Variants in CLCN7 observed in about 807,000 individuals in gnomAD.
The protein encoded by CLCN7 is Cl-/H+ antiporter 7.
A neutral mutation model predicts 102.1 loss-of-function variants in CLCN7; 60 were observed. The observed-to-expected ratio is 0.59, with a 90% CI of 0.48 to 0.73. CLCN7 has a LOEUF of 0.73. Ranked by LOEUF, CLCN7 falls within the 30% of genes least tolerant of loss-of-function variation. CLCN7 has a pLI of 0.00. For synonymous variants in CLCN7, 560 were observed against 490.5 expected (o/e 1.14, Z -1.87); for missense variants, 962 against 1,125.7 (o/e 0.85, Z 2.08).
intron 11 of CLCN7, 160 bp downstream of exon 11, chr16:1,455,571 A>G (rs2038822203): frequency 1.2e-6 from 1 of 824,374 alleles, no homozygotes; most frequent in East Asian, 2.6e-5. Flanking sequence ...TGGGCAGCAA[A>G]GGCAGGACCG....
At chr16:1,471,357 C>G (rs1430704392) in intron 1 of CLCN7, among the ~76,000 whole-genome samples, 1 of 152,198 alleles carries the variant, frequency 6.6e-6, no homozygotes, top group African/African-American at 2.4e-5. Flanking sequence ...ACAGTCCCGT[C>G]AGCAGGGGAT....
At chr16:1,469,466 A>T (rs1446804940) in intron 1 of CLCN7, among the ~76,000 whole-genome samples, 1 of 152,062 alleles carries the variant, frequency 6.6e-6, no homozygotes, top group Non-Finnish European at 1.5e-5. Flanking sequence ...CGGGCTGATC[A>T]CTTGAGGTCA....
At chr16:1,465,162 C>T (rs1176339687) in intron 2 of CLCN7, 105 bp downstream of exon 2, 3 of 1,117,882 alleles carry the variant, frequency 2.7e-6, no homozygotes, top group Non-Finnish European at 4.0e-6. Context: ...AACCCCGGCC[C>T]TGGGGCCCCA....
At chr16:1,453,221 C>T (rs2038782187) in intron 14 of CLCN7, among the ~76,000 whole-genome samples, 1 of 152,060 alleles carries the variant, frequency 6.6e-6, no homozygotes, top group African/African-American at 2.4e-5. Context: ...CCATGTTGGT[C>T]AAGCTGGTCT....
intron 15 of CLCN7, chr16:1,451,975 G>C (rs558952535): frequency 4.2e-6 from 2 of 477,246 alleles, no homozygotes; most frequent in South Asian, 2.0e-5. Flanking sequence ...GCCCTGGGGG[G>C]TGGGTTAGCA....
intron 10 of CLCN7, 50 bp downstream of exon 10, chr16:1,456,063 C>T: frequency 7.0e-7 from 1 of 1,435,476 alleles, no homozygotes. Flanking sequence ...CCGTTCCTTC[C>T]AACACACAGG....
chr16:1,449,267 G>A lies in CLCN7; in HGVS notation c.1669+9C>T. 1 of 1,582,282 alleles carries A rather than the reference G, an allele frequency of 6.3e-7. No homozygotes were observed. The highest frequency in any genetic ancestry group is 8.6e-7 in the Non-Finnish European group (1 of 1,164,700). On this transcript the variant is annotated intron_variant, in intron 18 of 24. Coordinates refer to ENST00000382745, the MANE Select transcript of CLCN7 (RefSeq NM_001287.6). ...GCTCCCCACCCATCGGGCAAGAGCT[G>A]GGACATACCCAGCTGGGCAGCAGCT...
intron 1 of CLCN7, among the ~76,000 whole-genome samples, chr16:1,470,686 G>C (rs1219587429): frequency 1.3e-5 from 2 of 152,172 alleles, no homozygotes; most frequent in Admixed American, 6.5e-5. Context: ...GGCCAGAAAA[G>C]AACCAAGGGG....
At chr16:1,452,976 T>C in intron 14 of CLCN7, 83 bp from the exon 15 acceptor site, 1 of 1,509,322 alleles carries the variant, frequency 6.6e-7, no homozygotes, top group Non-Finnish European at 9.0e-7. Flanking sequence ...GAGTCCCTGA[T>C]GGAGGACACT....
intron 13 of CLCN7, among the ~76,000 whole-genome samples, 190 bp from the exon 14 acceptor site, chr16:1,454,084 G>C (rs1189739854): frequency 1.3e-5 from 2 of 152,252 alleles, no homozygotes; most frequent in African/African-American, 2.4e-5. Flanking sequence ...GTTTCTCAAA[G>C]GCTCTGCCTT....
intron 2 of CLCN7, among the ~76,000 whole-genome samples, chr16:1,464,779 C>T (rs2038982213): frequency 6.6e-6 from 1 of 152,234 alleles, no homozygotes; most frequent in Admixed American, 6.5e-5. Context: ...CAGAGGACTC[C>T]CGGCCTCACC....
rs1339918440 is a variant in CLCN7, at chr16:1,461,447, C to T, written c.309G>A (p.Glu103=). ...GCTCCTCCTCCAGGAACAGCTGGTT[C>T]TCACTGTTGTCATAGTCCAAGCTCT... is the stretch of plus-strand genomic sequence containing the variant. The part of the protein sequence containing the change: ...KYESLDYDNS[E]NQLFLEEERR... The change falls in exon 4 of 25, where the codon GAG becomes GAA. Residue 103 remains glutamate, a synonymous_variant. Coordinates refer to ENST00000382745, the MANE Select transcript of CLCN7 (RefSeq NM_001287.6). 3.2e-6 allele frequency: 5 copies of T among 1,563,198 alleles called. No individual in the cohort carries two copies. Among genetic ancestry groups the T allele is most frequent in the South Asian group, 1.2e-5 (1 of 85,232 alleles).
chr16:1,450,617 G>T lies in CLCN7; in HGVS notation c.1497C>A (p.Phe499Leu). 2 of 1,612,734 alleles carry T rather than the reference G, an allele frequency of 1.2e-6. No homozygotes were observed. The highest frequency in any genetic ancestry group is 1.7e-6 in the Non-Finnish European group (2 of 1,179,788). The change falls in exon 17 of 25, where the codon TTC becomes TTA. Residue 499 changes from phenylalanine to leucine, a missense_variant. Physicochemically the swap from Phe to Leu is conservative, Grantham distance 22 (BLOSUM62 0). Around this residue, in one of 2 missense-constraint regions of CLCN7, gnomAD observed 799 missense variants for 988.0 expected, o/e 0.81. Transcript: ENST00000382745. The part of the protein sequence containing the change: ...TLGLFTLVYF[F>L]LACWTYGLTV... Reference sequence around the variant, plus strand: ...TGAGCCCGTAGGTCCAGCAGGCCAGGAAGAAGTAGACCAGCGTGAACAGGC... The same window carrying T: ...TGAGCCCGTAGGTCCAGCAGGCCAGTAAGAAGTAGACCAGCGTGAACAGGC...
Position 1,455,152 on chromosome 16 carries a change from G to A in CLCN7, c.1080C>T (p.Phe360=), listed in dbSNP as rs142983792. The A allele has an allele frequency of 3.8e-5, 61 of 1,610,606 alleles. No individual in the cohort carries two copies. The highest frequency in any genetic ancestry group is 5.5e-5 in the South Asian group (5 of 91,034). The change falls in exon 12 of 25, where the codon TTC becomes TTT. Residue 360 remains phenylalanine, a synonymous_variant. Coordinates refer to ENST00000382745, the MANE Select transcript of CLCN7 (RefSeq NM_001287.6). Reference sequence around the variant, plus strand: ...AGGTTACCTCCGAGTCAAACCTTCCGAAGTTGATGAGGCCTGGGCTGGACA... The same window carrying A: ...AGGTTACCTCCGAGTCAAACCTTCCAAAGTTGATGAGGCCTGGGCTGGACA... ...WDLSSPGLIN[F]GRFDSEKMAY...
Position 1,457,802 on chromosome 16 carries a change from T to A in CLCN7, c.676-46A>T, listed in dbSNP as rs754011560. 5 of 1,584,436 alleles carry A rather than the reference T, an allele frequency of 3.2e-6. No individual in the cohort carries two copies. The highest frequency in any genetic ancestry group is 4.3e-6 in the Non-Finnish European group (5 of 1,153,738). On this transcript the variant is annotated intron_variant, in intron 7 of 24. Coordinates refer to ENST00000382745, the MANE Select transcript of CLCN7 (RefSeq NM_001287.6). This position sits in a 1 kb window ranked among gnomAD's most constrained non-coding sequence, Gnocchi z 5.4. ...TGGCCTCTGATGAAAAGGCAGGCGC[T>A]GTCTTTGGACCTGAGCCGTAAAACA... is the stretch of plus-strand genomic sequence containing the variant.
At chr16:1,460,360 C>T in intron 6 of CLCN7, 58 bp downstream of exon 6, 2 of 1,297,646 alleles carry the variant, frequency 1.5e-6, no homozygotes, top group Non-Finnish European at 2.2e-6. Context: ...CCCGCCCATT[C>T]ACCAAGACCC....
chr16:1,461,372 G>A (rs770377834), intron 4 of CLCN7, 33 bp downstream of exon 4: 17 of 1,539,934 alleles, frequency 1.1e-5, no homozygotes, highest in South Asian at 2.4e-5. Context: ...GCCCCGCACC[G>A]TGGGGCCCTG....
intron 20 of CLCN7, 48 bp from the exon 21 acceptor site, chr16:1,448,532 C>G: frequency 6.2e-7 from 1 of 1,603,948 alleles, no homozygotes; most frequent in Non-Finnish European, 8.5e-7. Flanking sequence ...CCACCAACTC[C>G]CACAGTTACC....
intron 15 of CLCN7, 107 bp downstream of exon 15, chr16:1,452,648 G>C (rs1470939873): frequency 8.0e-7 from 1 of 1,245,368 alleles, no homozygotes; most frequent in African/African-American, 1.5e-5. Context: ...TGCGCTTCTG[G>C]AACTCGGCGG....
Sources: allele counts gnomAD v4.1 joint callset (sites outside exome capture counted in the v4.1 genomes callset), GRCh38; gene constraint gnomAD v4.1.1; regional missense constraint gnomAD v4.1.1; non-coding constraint Gnocchi (gnomAD v3.1); transcripts MANE v1.5; gene names NCBI Gene and HGNC (gene_info 2026-07-23, HGNC 2026-07-21).